Variants in GLI3 observed in about 807,000 individuals in gnomAD.
GLI3 encodes transcription activator GLI3.
Under a neutral mutation model 100.8 loss-of-function variants are expected in GLI3, and 20 were observed. The observed-to-expected ratio is 0.20, with a 90% CI of 0.14 to 0.29. GLI3 has a LOEUF of 0.29. GLI3 is among the 10% of genes least tolerant of loss of function. The pLI is 1.00. For missense variants in GLI3, 2,040 were observed against 2,128.5 expected, an observed-to-expected ratio of 0.96 and a Z score of 0.82; for synonymous variants, 938 against 860.5, an observed-to-expected ratio of 1.09 and a Z score of -1.58.
intron 7 of GLI3, among the ~76,000 whole-genome samples, chr7:42,032,646 T>C (rs1255946030): frequency 1.3e-5 from 2 of 152,196 alleles, no homozygotes; most frequent in African/African-American, 4.8e-5. Context: ...GCTGGGGATA[T>C]ACTGGATTCC....
At chr7:42,137,145 G>A (rs1001566938) in intron 3 of GLI3, among the ~76,000 whole-genome samples, 5 of 152,186 alleles carry the variant, frequency 3.3e-5, no homozygotes, top group Non-Finnish European at 7.3e-5. Context: ...GACTTCAAGA[G>A]CAAAGCCCAT....
intron 2 of GLI3, among the ~76,000 whole-genome samples, chr7:42,181,625 C>T (rs9648519): frequency 6.6e-6 from 1 of 151,934 alleles, no homozygotes; most frequent in Non-Finnish European, 1.5e-5. Context: ...AAAAAAACAA[C>T]AAAAACAAAA....
At chr7:42,089,670 C>G (rs147154194) in intron 3 of GLI3, among the ~76,000 whole-genome samples, 1,596 of 152,292 alleles carry the variant, frequency 0.01, 34 homozygotes, top group African/African-American at 0.037. Context: ...GCTGAAAAGG[C>G]TCCCCCATTT....
At chr7:42,227,903 GT>G (rs1365557273) in intron 1 of GLI3, among the ~76,000 whole-genome samples, 1 of 152,064 alleles carries the variant, frequency 6.6e-6, no homozygotes, top group Non-Finnish European at 1.5e-5. Flanking sequence ...TATGGTAATT[GT>G]TTTGCTCAGG....
chr7:42,059,052 CACTA>C (rs1205753935), intron 4 of GLI3, among the ~76,000 whole-genome samples: 1 of 152,180 alleles, frequency 6.6e-6, no homozygotes, highest in African/African-American at 2.4e-5. Flanking sequence ...CGTTCTATCC[CACTA>C]ACTTTTGTTT....
rs1762479312 is a variant in GLI3 at position 41,966,501 on chromosome 7, A to T, written c.2572T>A (p.Tyr858Asn). 1.2e-6 allele frequency: 2 copies of T among 1,613,542 alleles called. No homozygotes were observed. The highest frequency in any genetic ancestry group is 1.7e-6 in the Non-Finnish European group (2 of 1,179,958). Residue 858 changes from tyrosine (Y) to asparagine (N), a missense_variant, in exon 15 of 15, where the codon TAC (tyrosine) becomes AAC (asparagine). Coordinates refer to ENST00000395925, the MANE Select transcript of GLI3 (RefSeq NM_000168.6). The surrounding 1 kb of genome is among the most constrained non-coding windows in gnomAD (Gnocchi z 5.8). The stretch of plus-strand genomic sequence containing the variant: ...CCTGAGGAGCGGCGGCTGCTCAGGT[A>T]GGCCGAGCTGATGGTGCTGGCGCTG... ...DSSASTISSA[Y>N]LSSRRSSGIS...
chr7:42,115,051 TAAG>T (rs938328962), intron 3 of GLI3, among the ~76,000 whole-genome samples: 1 of 144,888 alleles, frequency 6.9e-6, no homozygotes, highest in Admixed American at 7.0e-5. Context: ...AGTGAAGAAA[TAAG>T]AAGAGAGAAA....
At position 41,967,604 on chromosome 7, in the gene GLI3, A is replaced by T; in HGVS notation, c.2423T>A (p.Ile808Lys). 1 of 1,611,046 alleles carries T rather than the reference A, an allele frequency of 6.2e-7. No homozygotes were observed. The highest frequency in any genetic ancestry group is 8.5e-7 in the Non-Finnish European group (1 of 1,177,780). Residue 808 changes from isoleucine to lysine, a missense_variant, in exon 14 of 15, where the codon ATA becomes AAA. Around this residue, in one of 5 missense-constraint regions of GLI3, gnomAD observed 327 missense variants for 338.7 expected, o/e 0.97. Coordinates refer to ENST00000395925, the MANE Select transcript of GLI3 (RefSeq NM_000168.6). The stretch of plus-strand genomic sequence containing the variant: ...TCTGATGTAGAACTCACCATTTCCT[A>T]TGAGAGGAGAGACCGCAGGGGCTTT... ...PPKAPAVSPL[I>K]GNGTQSNNTC...
intron 6 of GLI3, among the ~76,000 whole-genome samples, chr7:42,043,964 C>T (rs750147022): frequency 2.6e-5 from 4 of 152,196 alleles, no homozygotes; most frequent in Non-Finnish European, 4.4e-5. Flanking sequence ...AACAACAGAA[C>T]GCCTGAAGAA....
In GLI3 at chr7:41,965,679, G is replaced by A. The variant is rs1787148607; in HGVS notation, c.3394C>T (p.Pro1132Ser). The change falls in exon 15 of 15, where the codon CCC (proline) becomes TCC (serine). Residue 1132 changes from proline to serine, a missense_variant. Pro to Ser is a moderately conservative substitution (Grantham distance 74, BLOSUM62 -1). Transcript: ENST00000395925. ...CCAGCGTGGCTGTCTGGCAGCCCGG[G>A]CGCGTCAAAGTCACCGGGCCCGTGG... The part of the protein sequence containing the change: ...VPHGPGDFDA[P>S]GLPDSHAGQQ... 6.2e-7 allele frequency: 1 copy of A among 1,613,350 alleles called. No homozygotes were observed. Among genetic ancestry groups the A allele is most frequent in the Non-Finnish European group, 8.5e-7 (1 of 1,179,564 alleles).
At chr7:42,223,337 A>T in intron 1 of GLI3, 42 bp from the exon 2 acceptor site, 4 of 313,302 alleles carry the variant, frequency 1.3e-5, no homozygotes, top group East Asian at 4.9e-5. Flanking sequence ...AAAATGGTGG[A>T]AAAAAAAAAA....
chr7:42,230,584 TG>T (rs1788678833), intron 1 of GLI3, among the ~76,000 whole-genome samples: 1 of 152,258 alleles, frequency 6.6e-6, no homozygotes, highest in Non-Finnish European at 1.5e-5. Context: ...ACAACATTTC[TG>T]TGAGCCAGTT....
chr7:42,221,594 T>C (rs959461782), intron 2 of GLI3, among the ~76,000 whole-genome samples: 1 of 152,124 alleles, frequency 6.6e-6, no homozygotes, highest in South Asian at 2.1e-4. Flanking sequence ...ACGCAAACTA[T>C]AAAGATAACC....
chr7:42,019,162 G>T (rs554523170), intron 10 of GLI3, among the ~76,000 whole-genome samples: 8 of 152,078 alleles, frequency 5.3e-5, no homozygotes, highest in Non-Finnish European at 8.8e-5. Context: ...TTATTCTTTC[G>T]ATCTCAGCAC....
intron 10 of GLI3, among the ~76,000 whole-genome samples, chr7:42,020,423 TATAG>T (rs1327519618): frequency 1.3e-5 from 2 of 152,106 alleles, no homozygotes. Flanking sequence ...GGATATCAAT[TATAG>T]ATAGTGACTT....
intron 3 of GLI3, among the ~76,000 whole-genome samples, chr7:42,136,430 C>A (rs777474135): frequency 1.8e-4 from 27 of 152,100 alleles, no homozygotes; most frequent in Non-Finnish European, 2.8e-4. Flanking sequence ...TGTGTGAAAA[C>A]TAAAGAAGAT....
At chr7:42,140,749 A>G (rs1356712688) in intron 3 of GLI3, among the ~76,000 whole-genome samples, 1 of 152,206 alleles carries the variant, frequency 6.6e-6, no homozygotes. Context: ...CAAGAAAGCT[A>G]AGGCAGGATG....
At position 41,966,238 on chromosome 7, in the gene GLI3, C is replaced by G. The variant is rs61758978; in HGVS notation, c.2835G>C (p.Leu945=). ...TCAGGCTCATCCTCTCCATGTTGGG[C>G]AGGGGCGTCGGCGGCGGCCCTCCTG... ...AATGGPPPTP[L]PNMERMSLKT... Residue 945 remains leucine (L), a synonymous_variant, in exon 15 of 15, where the codon CTG becomes CTC. Coordinates refer to ENST00000395925, the MANE Select transcript of GLI3 (RefSeq NM_000168.6). The surrounding 1 kb of genome is among the most constrained non-coding windows in gnomAD (Gnocchi z 5.8). 0.025 allele frequency: 40,487 copies of G among 1,608,778 alleles called. 598 individuals carry two copies. The highest frequency in any genetic ancestry group is 0.029 in the Middle Eastern group (178 of 6,048).
upstream of GLI3, among the ~76,000 whole-genome samples, chr7:42,239,145 A>G (rs764480331): frequency 1.1e-4 from 17 of 152,128 alleles, no homozygotes; most frequent in Non-Finnish European, 1.6e-4. Flanking sequence ...TTGTTTTAAG[A>G]TTTCCCTCGA....
Sources: allele counts gnomAD v4.1 joint callset (sites outside exome capture counted in the v4.1 genomes callset), GRCh38; gene constraint gnomAD v4.1.1; regional missense constraint gnomAD v4.1.1; non-coding constraint Gnocchi (gnomAD v3.1); transcripts MANE v1.5; gene names NCBI Gene and HGNC (gene_info 2026-07-23, HGNC 2026-07-21).